The following GSG1L variants were observed in gnomAD, a reference collection of about 807,000 sequenced individuals.
GSG1L encodes the protein GSG1 like, also known as germ cell-specific gene 1-like protein.
GSG1L carries 24 observed loss-of-function variants against 42.1 expected under a neutral mutation model. That is an observed-to-expected ratio of 0.57 (90% CI 0.41 to 0.80). GSG1L has a LOEUF of 0.80. Among genes scored for constraint, GSG1L ranks in the 30% least tolerant of loss-of-function variants. The pLI is 0.00. For missense variants in GSG1L, 445 were observed against 472.2 expected (o/e 0.94, Z 0.53); for synonymous variants, 215 against 203.5 (o/e 1.06, Z -0.48).
At chr16:27,907,445 C>T (rs1313055034) in intron 2 of GSG1L, among the ~76,000 whole-genome samples, 1 of 152,198 alleles carries the variant, frequency 6.6e-6, no homozygotes, top group Non-Finnish European at 1.5e-5. Flanking sequence ...ACTGTCCCTG[C>T]AAGGATGTCT....
At chr16:27,876,165 C>T (rs1416616745) in intron 3 of GSG1L, among the ~76,000 whole-genome samples, 1 of 152,128 alleles carries the variant, frequency 6.6e-6, no homozygotes, top group Admixed American at 6.6e-5. Flanking sequence ...AAGCTATGAG[C>T]AAGAAACCAA....
chr16:27,903,046 G>A (rs1447004019), intron 2 of GSG1L, among the ~76,000 whole-genome samples: 1 of 152,116 alleles, frequency 6.6e-6, no homozygotes, highest in African/African-American at 2.4e-5. Context: ...GGATCCAGAA[G>A]GGACCAGCCT....
At chr16:27,965,418 C>G (rs1008957300) in intron 1 of GSG1L, among the ~76,000 whole-genome samples, 1 of 152,054 alleles carries the variant, frequency 6.6e-6, no homozygotes, top group Non-Finnish European at 1.5e-5. Flanking sequence ...TACAATATTA[C>G]TATTAAGTAT....
chr16:27,952,016 G>A (rs1366611739), intron 2 of GSG1L, among the ~76,000 whole-genome samples: 1 of 152,184 alleles, frequency 6.6e-6, no homozygotes, highest in Non-Finnish European at 1.5e-5. Context: ...GCTGGTGGCT[G>A]CCAGAAATCC....
At chr16:27,854,160 G>A (rs2083546351) in intron 3 of GSG1L, among the ~76,000 whole-genome samples, 1 of 151,338 alleles carries the variant, frequency 6.6e-6, no homozygotes, top group Non-Finnish European at 1.5e-5. Context: ...CTCGCCTGGA[G>A]GGGACTGGGA....
At chr16:28,007,776 A>G (rs1313350432) in intron 1 of GSG1L, among the ~76,000 whole-genome samples, 1 of 152,108 alleles carries the variant, frequency 6.6e-6, no homozygotes, top group African/African-American at 2.4e-5. Flanking sequence ...TCAGCCTCCC[A>G]AAGTGCTGGG....
At chr16:27,818,389 C>G (rs751667902) in intron 5 of GSG1L, among the ~76,000 whole-genome samples, 1 of 152,118 alleles carries the variant, frequency 6.6e-6, no homozygotes, top group Admixed American at 6.5e-5. Context: ...TGCTGGCTGA[C>G]GATCCGATCA....
chr16:27,835,543 T>C (rs2083313409), intron 4 of GSG1L, among the ~76,000 whole-genome samples: 1 of 152,118 alleles, frequency 6.6e-6, no homozygotes, highest in African/African-American at 2.4e-5. Flanking sequence ...CCACCTAATT[T>C]TGTTCTTTCC....
At chr16:27,928,218 A>C (rs905192792) in intron 2 of GSG1L, among the ~76,000 whole-genome samples, 2 of 152,200 alleles carry the variant, frequency 1.3e-5, no homozygotes, top group African/African-American at 4.8e-5. Context: ...AATTCCTATT[A>C]GCCCAGTTTG....
At chr16:27,989,786 G>A (rs2085435214) in intron 1 of GSG1L, among the ~76,000 whole-genome samples, 1 of 150,820 alleles carries the variant, frequency 6.6e-6, no homozygotes, top group African/African-American at 2.4e-5. Context: ...TGTCAAATAA[G>A]AAATGGTGTT....
At chr16:27,936,889 G>C (rs149270958) in intron 2 of GSG1L, among the ~76,000 whole-genome samples, 3 of 152,106 alleles carry the variant, frequency 2.0e-5, no homozygotes, top group Admixed American at 6.6e-5. Flanking sequence ...CAAAATAAAC[G>C]TCCAGGGCAG....
At chr16:27,836,107 C>T (rs192998523) in intron 4 of GSG1L, among the ~76,000 whole-genome samples, 15 of 152,142 alleles carry the variant, frequency 9.9e-5, no homozygotes, top group African/African-American at 2.6e-4. Context: ...ATTTTTGCCA[C>T]GTATAGAATT....
At chr16:27,871,265 G>A (rs1002174461) in intron 3 of GSG1L, among the ~76,000 whole-genome samples, 3 of 152,166 alleles carry the variant, frequency 2.0e-5, no homozygotes, top group Non-Finnish European at 4.4e-5. Flanking sequence ...GCCCCCAACA[G>A]CAGAGAACAA....
intron 1 of GSG1L, among the ~76,000 whole-genome samples, chr16:28,038,205 G>A (rs746284553): frequency 6.6e-6 from 1 of 152,088 alleles, no homozygotes. Context: ...GTAACTCCTG[G>A]GCTCAAGTGA....
intron 2 of GSG1L, among the ~76,000 whole-genome samples, chr16:27,927,876 G>T (rs530392711): frequency 2.8e-4 from 43 of 152,314 alleles, no homozygotes; most frequent in Admixed American, 8.5e-4. Context: ...AGAATCTCTT[G>T]GGAGGCGTGT....
At chr16:28,049,981 C>T (rs752400255) in intron 1 of GSG1L, among the ~76,000 whole-genome samples, 16 of 152,128 alleles carry the variant, frequency 1.1e-4, no homozygotes, top group Non-Finnish European at 2.2e-4. Context: ...TTCTCTCTCT[C>T]CACTGGAAGG....
chr16:27,929,925 A>G (rs1487379525), intron 2 of GSG1L, among the ~76,000 whole-genome samples: 1 of 152,066 alleles, frequency 6.6e-6, no homozygotes, highest in Non-Finnish European at 1.5e-5. Flanking sequence ...GGTCTCCTGC[A>G]GCCCAGATTA....
intron 3 of GSG1L, among the ~76,000 whole-genome samples, chr16:27,847,715 C>T (rs551081435): frequency 1.3e-5 from 2 of 152,298 alleles, no homozygotes; most frequent in Non-Finnish European, 2.9e-5. Context: ...TTGCTGTTCT[C>T]GTGATAGCGA....
At chr16:27,930,706 T>C (rs2084646963) in intron 2 of GSG1L, among the ~76,000 whole-genome samples, 1 of 152,174 alleles carries the variant, frequency 6.6e-6, no homozygotes, top group Non-Finnish European at 1.5e-5. Flanking sequence ...CCTTAAAGGA[T>C]GTCATTCACA....
Sources: gnomAD v4.1 joint callset for allele counts (sites outside exome capture counted in the v4.1 genomes callset) on GRCh38, gnomAD v4.1.1 for gene constraint, MANE v1.5 for transcripts, NCBI Gene and HGNC (gene_info 2026-07-23, HGNC 2026-07-21) for gene names.